Variants in IGFL2 observed in about 807,000 individuals in gnomAD.
The protein encoded by IGFL2 is insulin growth factor-like family member 2.
A neutral mutation model predicts 13.9 loss-of-function variants in IGFL2; 7 were observed. The ratio of observed to expected loss-of-function variants is 0.51; its 90% CI spans 0.29 to 0.95. The LOEUF is 0.95. Ranked by LOEUF, IGFL2 falls within the 40% of genes least tolerant of loss-of-function variation. IGFL2 has a pLI of 0.08. For missense variants in IGFL2, 138 were observed against 147.8 expected, an observed-to-expected ratio of 0.93 and a Z score of 0.34; for synonymous variants, 55 against 55.8, an observed-to-expected ratio of 0.99 and a Z score of 0.07.
chr19:46,126,260 C>T, the IGFL2 span, among the ~76,000 whole-genome samples: 2 of 152,208 alleles, frequency 1.3e-5, no homozygotes, highest in African/African-American at 2.4e-5. Flanking sequence ...GAGACTGCCT[C>T]CTGTGAATCA....
the IGFL2 span, among the ~76,000 whole-genome samples, chr19:46,108,016 G>A: frequency 6.6e-6 from 1 of 152,228 alleles, no homozygotes; most frequent in African/African-American, 2.4e-5. Flanking sequence ...GTGGCGGAGG[G>A]CTAGTTGCGG....
chr19:46,176,557 A>G, the IGFL2 span, among the ~76,000 whole-genome samples: 1 of 152,216 alleles, frequency 6.6e-6, no homozygotes, highest in Non-Finnish European at 1.5e-5. Flanking sequence ...AAGATTGCAC[A>G]GGGCCATTGC....
chr19:46,114,307 C>T, the IGFL2 span, among the ~76,000 whole-genome samples: 11 of 151,796 alleles, frequency 7.2e-5, 1 homozygote, highest in South Asian at 6.2e-4. Context: ...AGGGAACATG[C>T]GAAAAAAAGG....
At chr19:46,163,520 T>G (rs965933433), downstream of IGFL2, among the ~76,000 whole-genome samples, 26 of 152,042 alleles carry the variant, frequency 1.7e-4, no homozygotes, top group African/African-American at 5.6e-4. Context: ...CAGACTGATC[T>G]CCTCTCCTTG....
At position 46,154,124 on chromosome 19, in the gene IGFL2, G is replaced by A. The variant is rs144952678; in HGVS notation, c.19+5827G>A. Among the ~76,000 whole-genome samples, 189 of 152,238 alleles carry A rather than the reference G, an allele frequency of 1.2e-3. 2 individuals carry two copies. In the East Asian group the frequency reaches 0.033, roughly 27 times the overall value. On this transcript the variant is annotated intron_variant, in intron 1 of 3. Coordinates refer to ENST00000377693, the MANE Select transcript of IGFL2 (RefSeq NM_001135113.2). ...GTTCCTGTGTTAGTTTGCTGAGGAT[G>A]ATGGTTTCCAGCTTCATCCATGTCC...
chr19:46,174,563 G>A, the IGFL2 span, among the ~76,000 whole-genome samples: 12 of 152,230 alleles, frequency 7.9e-5, no homozygotes, highest in South Asian at 1.0e-3. Context: ...TTGAGGACTC[G>A]TCCTCAATTT....
chr19:46,191,684 TCA>T, the IGFL2 span, among the ~76,000 whole-genome samples: 1 of 152,166 alleles, frequency 6.6e-6, no homozygotes, highest in African/African-American at 2.4e-5. Flanking sequence ...CCGCAGGTCA[TCA>T]CAGACTCAGG....
At chr19:46,168,003 A>G in the IGFL2 span, among the ~76,000 whole-genome samples, 2 of 152,248 alleles carry the variant, frequency 1.3e-5, no homozygotes, top group East Asian at 3.8e-4. Flanking sequence ...GTGTCCTACT[A>G]TGATATCTTA....
chr19:46,081,930 C>T, the IGFL2 span, among the ~76,000 whole-genome samples: 1 of 152,194 alleles, frequency 6.6e-6, no homozygotes, highest in Non-Finnish European at 1.5e-5. Flanking sequence ...ATACTTTATT[C>T]TGTGTGCAGT....
chr19:46,081,630 C>T, the IGFL2 span, among the ~76,000 whole-genome samples: 11 of 152,146 alleles, frequency 7.2e-5, no homozygotes, highest in African/African-American at 2.4e-4. Context: ...TGCAGCCTAG[C>T]CCTCAGCCAG....
At chr19:46,206,022 A>T in the IGFL2 span, among the ~76,000 whole-genome samples, 1 of 152,198 alleles carries the variant, frequency 6.6e-6, no homozygotes, top group Non-Finnish European at 1.5e-5. Flanking sequence ...ACAGGGAGAT[A>T]AACAGGGCTA....
At chr19:46,091,091 C>T in the IGFL2 span, among the ~76,000 whole-genome samples, 1 of 152,184 alleles carries the variant, frequency 6.6e-6, no homozygotes, top group African/African-American at 2.4e-5. Flanking sequence ...TGATCTCTCA[C>T]CTGGTTTCCT....
the IGFL2 span, among the ~76,000 whole-genome samples, chr19:46,180,831 C>T: frequency 3.9e-5 from 6 of 152,196 alleles, 1 homozygote; most frequent in East Asian, 9.6e-4. Context: ...AGCAGGGAAG[C>T]ATCCAGCACA....
chr19:46,146,206 C>G (rs1046404213), upstream of IGFL2, among the ~76,000 whole-genome samples: 3 of 151,560 alleles, frequency 2.0e-5, no homozygotes, highest in African/African-American at 7.3e-5. Flanking sequence ...GTTGAAATGA[C>G]TATCTTTTCC....
intron 1 of IGFL2, among the ~76,000 whole-genome samples, chr19:46,151,479 T>C (rs1973488529): frequency 6.6e-6 from 1 of 152,256 alleles, no homozygotes; most frequent in Admixed American, 6.5e-5. Flanking sequence ...TGTCAGCTCC[T>C]ACACTGTCAC....
chr19:46,204,618 G>A, the IGFL2 span, among the ~76,000 whole-genome samples: 1 of 152,156 alleles, frequency 6.6e-6, no homozygotes. Flanking sequence ...CACAGAGTGG[G>A]CAGCTTTGGG....
At chr19:46,121,840 C>T in the IGFL2 span, among the ~76,000 whole-genome samples, 1 of 151,100 alleles carries the variant, frequency 6.6e-6, no homozygotes, top group East Asian at 2.0e-4. Context: ...TAGGTTGGTG[C>T]TTGTGCTGGA....
intron 1 of IGFL2, chr19:46,160,140 C>A: frequency 2.1e-6 from 1 of 470,044 alleles, no homozygotes; most frequent in Non-Finnish European, 3.9e-6. Flanking sequence ...CTCCTTTTTC[C>A]AACTGGTAAA....
intron 1 of IGFL2, chr19:46,160,170 T>C: frequency 1.9e-6 from 1 of 534,758 alleles, no homozygotes. Flanking sequence ...ATTCTTAGAA[T>C]CATAAACGAA....
Sources: gnomAD v4.1 joint callset for allele counts (sites outside exome capture counted in the v4.1 genomes callset) on GRCh38, gnomAD v4.1.1 for gene constraint, MANE v1.5 for transcripts, NCBI Gene and HGNC (gene_info 2026-07-23, HGNC 2026-07-21) for gene names.